The following UBOX5 variants were observed in gnomAD, a reference collection of about 807,000 sequenced individuals.
The protein encoded by UBOX5 is U-box domain containing 5.
A neutral mutation model predicts 39.0 loss-of-function variants in UBOX5; 28 were observed. That is an observed-to-expected ratio of 0.72 (90% CI 0.53 to 0.98). The LOEUF (loss-of-function observed/expected upper bound fraction) is 0.98, where lower values mean the gene tolerates loss of function less well. Ranked by LOEUF, UBOX5 falls within the 50% of genes least tolerant of loss-of-function variation. The pLI is 0.00. For synonymous variants in UBOX5, 283 were observed against 275.5 expected, an observed-to-expected ratio of 1.03 and a Z score of -0.27; for missense variants, 585 against 674.4, an observed-to-expected ratio of 0.87 and a Z score of 1.47.
At chr20:3,134,045 C>T (rs2066450651) in intron 1 of UBOX5, among the ~76,000 whole-genome samples, 1 of 152,030 alleles carries the variant, frequency 6.6e-6, no homozygotes, top group South Asian at 2.1e-4. Flanking sequence ...GTGTGAGCCA[C>T]CTTGCCCGGC....
Position 3,147,920 on chromosome 20 carries a change from C to T in UBOX5, c.-42+11846G>A, listed in dbSNP as rs757421432. On this transcript the variant is annotated intron_variant, in intron 1 of 4. Transcript: ENST00000217173. ...ACCTTGAACTCCCAGGGAAGGAATTCGCTGAGGAGCTATCTCTCCAATCTG... is the reference window on the plus strand; with the variant it reads ...ACCTTGAACTCCCAGGGAAGGAATTTGCTGAGGAGCTATCTCTCCAATCTG... 4.3e-6 allele frequency: 7 copies of T among 1,614,102 alleles called. No homozygotes were observed. The highest frequency in any genetic ancestry group is 1.6e-4 in the Middle Eastern group (1 of 6,084).
intron 1 of UBOX5, among the ~76,000 whole-genome samples, chr20:3,136,692 G>C (rs538952269): frequency 1.7e-4 from 26 of 151,234 alleles, no homozygotes; most frequent in African/African-American, 6.3e-4. Context: ...GTCTTGTTCT[G>C]TTGCCCAGGC....
At chr20:3,120,073 G>T (rs948112375) in intron 3 of UBOX5, among the ~76,000 whole-genome samples, 3 of 152,142 alleles carry the variant, frequency 2.0e-5, no homozygotes, top group East Asian at 1.9e-4. Context: ...AATGTTGCAG[G>T]CCAGGCACAG....
At chr20:3,126,977 A>G (rs562021272) in intron 1 of UBOX5, among the ~76,000 whole-genome samples, 1 of 135,588 alleles carries the variant, frequency 7.4e-6, no homozygotes, top group African/African-American at 2.8e-5. Context: ...TGGAGTTTGC[A>G]GTGAGCCGAG....
chr20:3,146,828 C>T (rs376790179), intron 1 of UBOX5: 12 of 1,613,986 alleles, frequency 7.4e-6, no homozygotes, highest in Admixed American at 5.0e-5. Flanking sequence ...CTTTTCTAAG[C>T]GAGTTCGTTT....
intron 3 of UBOX5, among the ~76,000 whole-genome samples, chr20:3,118,906 T>C (rs1398567715): frequency 6.6e-6 from 1 of 152,060 alleles, no homozygotes; most frequent in African/African-American, 2.4e-5. Flanking sequence ...ACCACTGCAC[T>C]CTACCCTGAG....
At chr20:3,136,558 T>C (rs2066474251) in intron 1 of UBOX5, among the ~76,000 whole-genome samples, 1 of 152,130 alleles carries the variant, frequency 6.6e-6, no homozygotes, top group South Asian at 2.1e-4. Context: ...TTTCCCCACG[T>C]TGGCCAGAGT....
At chr20:3,153,736 G>A (rs547881831) in intron 1 of UBOX5, among the ~76,000 whole-genome samples, 1 of 152,254 alleles carries the variant, frequency 6.6e-6, no homozygotes, top group Admixed American at 6.5e-5. Context: ...CTATCACTAC[G>A]GTTTATACTG....
intron 1 of UBOX5, among the ~76,000 whole-genome samples, chr20:3,140,642 C>T (rs2066510122): frequency 6.6e-6 from 1 of 152,104 alleles, no homozygotes; most frequent in Non-Finnish European, 1.5e-5. Context: ...ACATTCAAGG[C>T]TCTTCTGCCA....
Position 3,142,117 on chromosome 20 carries a change from C to T in UBOX5, c.-42+17649G>A, listed in dbSNP as rs189035116. The stretch of plus-strand genomic sequence containing the variant: ...GAGGCTGCGGTGAGCCATGATAGTG[C>T]CACTGCACTCCCAGTATGGGCAACA... On this transcript the variant is annotated intron_variant, in intron 1 of 4. Coordinates refer to ENST00000217173, the MANE Select transcript of UBOX5 (RefSeq NM_014948.4). Among the ~76,000 whole-genome samples, 321 of 150,382 alleles carry T rather than the reference C, an allele frequency of 2.1e-3. 1 individual carries two copies. Among genetic ancestry groups the T allele is most frequent in the African/African-American group, 7.4e-3 (302 of 40,654 alleles).
Position 3,109,870 on chromosome 20 carries a change from G to A in UBOX5, c.*236C>T. On this transcript the variant is annotated 3_prime_UTR_variant, in exon 5 of 5. Coordinates refer to ENST00000217173, the MANE Select transcript of UBOX5 (RefSeq NM_014948.4). ...TCCAGTGGGTCCTGGGCTCAGGCAG[G>A]GGGGGTGGCAGGGAGGCAGGGACAT... is the stretch of plus-strand genomic sequence containing the variant. The A allele has an allele frequency of 6.8e-6, 4 of 583,962 alleles. No homozygotes were observed. The highest frequency in any genetic ancestry group is 2.0e-5 in the South Asian group (1 of 50,274). The allele number at this position is 583,962 out of a possible 1,614,324, so 36.2% of individuals were successfully genotyped here. A position where few individuals can be genotyped will look rare whatever the true frequency, so the allele number is the denominator to read the frequency against.
intron 1 of UBOX5, among the ~76,000 whole-genome samples, chr20:3,126,583 CAGAA>C (rs1324088451): frequency 1.9e-5 from 2 of 103,252 alleles, no homozygotes; most frequent in African/African-American, 3.8e-5. Context: ...TGGGCAGGGA[CAGAA>C]AGAAAGAAAA....
chr20:3,148,386 C>T, intron 1 of UBOX5: 2 of 1,614,192 alleles, frequency 1.2e-6, no homozygotes, highest in South Asian at 2.2e-5. Context: ...CACTTGGTCT[C>T]ATACACATCT....
At chr20:3,155,114 G>C (rs1028861740) in intron 1 of UBOX5, among the ~76,000 whole-genome samples, 3 of 151,884 alleles carry the variant, frequency 2.0e-5, no homozygotes, top group East Asian at 3.9e-4. Context: ...TGATGGCCAG[G>C]ATCAGTGAGT....
At chr20:3,158,620 G>A (rs1337673079) in intron 1 of UBOX5, among the ~76,000 whole-genome samples, 2 of 150,920 alleles carry the variant, frequency 1.3e-5, no homozygotes, top group South Asian at 2.2e-4. Flanking sequence ...GACTACAGGC[G>A]CCCGCCACCA....
chr20:3,144,712 C>G (rs1376075942), intron 1 of UBOX5, among the ~76,000 whole-genome samples: 1 of 152,164 alleles, frequency 6.6e-6, no homozygotes, highest in Non-Finnish European at 1.5e-5. Context: ...GTATCTGTTA[C>G]CTGTATTATG....
chr20:3,154,400 G>A (rs1466784026), intron 1 of UBOX5, among the ~76,000 whole-genome samples: 1 of 152,222 alleles, frequency 6.6e-6, no homozygotes, highest in African/African-American at 2.4e-5. Context: ...TGTTACCACA[G>A]GCAGGATGCA....
At chr20:3,134,159 T>C (rs1191048644) in intron 1 of UBOX5, among the ~76,000 whole-genome samples, 1 of 152,166 alleles carries the variant, frequency 6.6e-6, no homozygotes, top group African/African-American at 2.4e-5. Context: ...TATACCTTAA[T>C]GATAATATAT....
At chr20:3,152,650 A>C (rs2066642966) in intron 1 of UBOX5, among the ~76,000 whole-genome samples, 1 of 152,110 alleles carries the variant, frequency 6.6e-6, no homozygotes, top group South Asian at 2.1e-4. Flanking sequence ...GCTCACACCT[A>C]TAATCCCAGC....
Sources: allele counts gnomAD v4.1 joint callset (sites outside exome capture counted in the v4.1 genomes callset), GRCh38; gene constraint gnomAD v4.1.1; transcripts MANE v1.5; gene names NCBI Gene and HGNC (gene_info 2026-07-23, HGNC 2026-07-21).